The following EXOSC10 variants were observed in gnomAD, a reference collection of about 807,000 sequenced individuals.
EXOSC10 encodes exosome component 10, also known as exosome complex component 10.
Under a neutral mutation model 126.6 loss-of-function variants are expected in EXOSC10, and 94 were observed. That is an observed-to-expected ratio of 0.74 (90% CI 0.63 to 0.88). The LOEUF is 0.88. Ranked by LOEUF, EXOSC10 falls within the 40% of genes least tolerant of loss-of-function variation. The pLI, the probability that EXOSC10 is intolerant of heterozygous loss-of-function variation, is 0.00. For missense variants in EXOSC10, 1,041 were observed against 1,100.5 expected, an observed-to-expected ratio of 0.95 and a Z score of 0.77; for synonymous variants, 395 against 400.8, an observed-to-expected ratio of 0.99 and a Z score of 0.17.
At chr1:11,099,049 G>A (rs939425509) in intron 1 of EXOSC10, among the ~76,000 whole-genome samples, 2 of 152,190 alleles carry the variant, frequency 1.3e-5, no homozygotes, top group Non-Finnish European at 2.9e-5. Context: ...CAGCAAATTA[G>A]ATAAGATACA....
chr1:11,087,041 T>C (rs1440409091), intron 9 of EXOSC10, among the ~76,000 whole-genome samples: 1 of 152,234 alleles, frequency 6.6e-6, no homozygotes, highest in Non-Finnish European at 1.5e-5. Context: ...GCTGGTTTTT[T>C]GAAAGGATAT....
chr1:11,099,820 G>T lies in EXOSC10; in HGVS notation c.12C>A (p.Pro4=). 1 of 1,606,504 alleles carries T rather than the reference G, an allele frequency of 6.2e-7. No homozygotes were observed. Among genetic ancestry groups the T allele is most frequent in the Non-Finnish European group, 8.5e-7 (1 of 1,176,064 alleles). The change falls in exon 1 of 25, where the codon CCC becomes CCA. Residue 4 remains proline, a synonymous_variant. Coordinates refer to ENST00000376936, the MANE Select transcript of EXOSC10 (RefSeq NM_001001998.3). The part of the protein sequence containing the change: MAP[P]STREPRVLSA... ...ACAGGACCCTGGGCTCCCGGGTACTGGGTGGCGCCATTTTTTCAGCCTGCA... is the reference window on the plus strand; with the variant it reads ...ACAGGACCCTGGGCTCCCGGGTACTTGGTGGCGCCATTTTTTCAGCCTGCA...
In EXOSC10 at chr1:11,094,343, G is replaced by A. The variant is rs542594643; in HGVS notation, c.372+1415C>T. ...GCGTCTCACTCTTGATGCCCAGGCT[G>A]GAGTGCAATGGTGCAATCTTGGCTC... is the stretch of plus-strand genomic sequence containing the variant. On this transcript the variant is annotated intron_variant, in intron 3 of 24. Coordinates refer to ENST00000376936, the MANE Select transcript of EXOSC10 (RefSeq NM_001001998.3). 5.6e-4 allele frequency among the ~76,000 whole-genome samples: 84 copies of A among 150,182 alleles called. 1 individual carries two copies. Among genetic ancestry groups the A allele is most frequent in the African/African-American group, 2.0e-3 (81 of 40,806 alleles).
rs1284668438 is a variant in EXOSC10, at chr1:11,068,054, A to G, written c.2581T>C (p.Ser861Pro). Residue 861 changes from serine to proline, a missense_variant, in exon 24 of 25, where the codon TCG (serine) becomes CCG (proline). Ser to Pro is a moderately conservative substitution (Grantham distance 74). Coordinates refer to ENST00000376936, the MANE Select transcript of EXOSC10 (RefSeq NM_001001998.3). ...KCIAAKKIKQ[S>P]VGNKSMSFPT... Reference sequence around the variant, plus strand: ...AAGGACATGCTTTTGTTTCCCACCGACTGTTTAATTTTTTTGGCTGCAATG... The same window carrying G: ...AAGGACATGCTTTTGTTTCCCACCGGCTGTTTAATTTTTTTGGCTGCAATG... 6.2e-7 allele frequency: 1 copy of G among 1,614,014 alleles called. No individual in the cohort carries two copies. The highest frequency in any genetic ancestry group is 1.1e-5 in the South Asian group (1 of 91,078).
At position 11,090,603 on chromosome 1, in the gene EXOSC10, G is replaced by A. The variant is rs1197905703; in HGVS notation, c.709C>T (p.Leu237=). 1 of 1,614,142 alleles carries A rather than the reference G, an allele frequency of 6.2e-7. No homozygotes were observed. Among genetic ancestry groups the A allele is most frequent in the Admixed American group, 1.7e-5 (1 of 60,008 alleles). ...CTCTGCTGATGGATGAAATCAGCCA[G>A]TGCAGGGGGGACGTCCAAGTCCTCA... ...RPEDLDVPPA[L]ADFIHQQRTQ... The change falls in exon 6 of 25, where the codon CTG becomes TTG. Residue 237 remains leucine, a synonymous_variant. Coordinates refer to ENST00000376936, the MANE Select transcript of EXOSC10 (RefSeq NM_001001998.3).
rs922268756 is a variant in EXOSC10 at position 11,077,638 on chromosome 1, G to A, written c.1763C>T (p.Ala588Val). The A allele has an allele frequency of 6.2e-7, 1 of 1,609,892 alleles. No individual in the cohort carries two copies. The highest frequency in any genetic ancestry group is 1.3e-5 in the African/African-American group (1 of 74,936). Reference sequence around the variant, plus strand: ...CAGCGGTCCGCTCTTCTTCACTCCGGCTGCAACTTCAGACTAAGGAAAAAA... The same window carrying A: ...CAGCGGTCCGCTCTTCTTCACTCCGACTGCAACTTCAGACTAAGGAAAAAA... The part of the protein sequence containing the change: ...EMPLLKSEVA[A>V]GVKKSGPLPS... Residue 588 changes from alanine to valine, a missense_variant, in exon 15 of 25, where the codon GCC (alanine) becomes GTC (valine). Physicochemically the swap from Ala to Val is moderately conservative, Grantham distance 64 (BLOSUM62 0). Coordinates refer to ENST00000376936, the MANE Select transcript of EXOSC10 (RefSeq NM_001001998.3).
rs754918172 is a variant in EXOSC10 at position 11,090,673 on chromosome 1, G to A, written c.644-5C>T. ...CCCGCCTTTCCTTAGAGAGAGCTGG[G>A]GATCCCAGCAGTGACAAAAACATCA... On this transcript the variant is annotated splice_region_variant and splice_polypyrimidine_tract_variant and intron_variant, in intron 5 of 24. Coordinates refer to ENST00000376936, the MANE Select transcript of EXOSC10 (RefSeq NM_001001998.3). 1.3e-6 allele frequency: 2 copies of A among 1,597,176 alleles called. No homozygotes were observed. Among genetic ancestry groups the A allele is most frequent in the South Asian group, 2.2e-5 (2 of 89,752 alleles).
intron 18 of EXOSC10, 90 bp from the exon 19 acceptor site, chr1:11,074,098 C>T: frequency 7.0e-7 from 1 of 1,423,708 alleles, no homozygotes; most frequent in Non-Finnish European, 9.9e-7. Context: ...GTTGCTGGTG[C>T]CTTGTCAGCG....
At chr1:11,099,117 T>C (rs1300838135) in intron 1 of EXOSC10, among the ~76,000 whole-genome samples, 2 of 152,242 alleles carry the variant, frequency 1.3e-5, no homozygotes, top group Non-Finnish European at 2.9e-5. Context: ...TTTAGTTTCA[T>C]TGCTTTGTAA....
intron 9 of EXOSC10, among the ~76,000 whole-genome samples, chr1:11,083,231 G>A (rs145492736): frequency 2.0e-5 from 3 of 152,168 alleles, no homozygotes; most frequent in Non-Finnish European, 4.4e-5. Flanking sequence ...TTACAGGCCT[G>A]AGCCACCTCA....
rs150269818 is a variant in EXOSC10 at position 11,096,158 on chromosome 1, A to G, written c.249-277T>C. 2.2e-3 allele frequency among the ~76,000 whole-genome samples: 327 copies of G among 151,606 alleles called. 4 individuals carry two copies. The highest frequency in any genetic ancestry group is 3.4e-3 in the Non-Finnish European group (228 of 67,926). On this transcript the variant is annotated intron_variant, in intron 2 of 24. Coordinates refer to ENST00000376936, the MANE Select transcript of EXOSC10 (RefSeq NM_001001998.3). ...GCCAACAGGTCTGGTTAATTTTTGT[A>G]TTTTTAGTAAAGATGAGGTTTTGCC...
rs564424616 is a variant in EXOSC10, at chr1:11,084,984, T to C, written c.1090-2106A>G. 2.0e-5 allele frequency among the ~76,000 whole-genome samples: 3 copies of C among 152,338 alleles called. No individual in the cohort carries two copies. In the East Asian group the frequency reaches 5.8e-4, roughly 29 times the overall value. Reference sequence around the variant, plus strand: ...AGGGCTCTGTTCTGTTCTATTGATCTATATCTCTGTTTTGGTACCAGTACC... The same window carrying C: ...AGGGCTCTGTTCTGTTCTATTGATCCATATCTCTGTTTTGGTACCAGTACC... On this transcript the variant is annotated intron_variant, in intron 9 of 24. Transcript: ENST00000376936.
At chr1:11,087,282 A>G (rs1444774454) in intron 9 of EXOSC10, among the ~76,000 whole-genome samples, 166 bp downstream of exon 9, 1 of 152,228 alleles carries the variant, frequency 6.6e-6, no homozygotes, top group East Asian at 1.9e-4. Flanking sequence ...TAGCTGTTCT[A>G]ACAGGGATTT....
intron 9 of EXOSC10, among the ~76,000 whole-genome samples, chr1:11,083,660 G>A (rs1640315997): frequency 6.6e-6 from 1 of 151,022 alleles, no homozygotes; most frequent in South Asian, 2.1e-4. Context: ...AAGTTTTAGG[G>A]TACATGTGCA....
intron 7 of EXOSC10, 61 bp downstream of exon 7, chr1:11,088,061 CT>C (rs1440350655): frequency 1.4e-6 from 2 of 1,391,594 alleles, no homozygotes; most frequent in African/African-American, 2.9e-5. Flanking sequence ...ATCAATGAAT[CT>C]ACTTATTTGA....
intron 23 of EXOSC10, 31 bp from the exon 24 acceptor site, chr1:11,068,115 TG>T: frequency 6.3e-7 from 1 of 1,592,900 alleles, no homozygotes; most frequent in Non-Finnish European, 8.6e-7. Context: ...TTAAGCTGGG[TG>T]GGCACCTTGA....
At chr1:11,068,203 C>T in intron 23 of EXOSC10, 119 bp from the exon 24 acceptor site, 1 of 746,672 alleles carries the variant, frequency 1.3e-6, no homozygotes, top group Non-Finnish European at 2.3e-6. Flanking sequence ...CTTTAGATCC[C>T]CTGAGAGAGG....
intron 14 of EXOSC10, among the ~76,000 whole-genome samples, chr1:11,079,363 G>C (rs1308779145): frequency 6.7e-6 from 1 of 149,870 alleles, no homozygotes; most frequent in South Asian, 2.1e-4. Context: ...AAAAAAAACA[G>C]GCTTGCTAAG....
chr1:11,080,066 A>G (rs1201418913), intron 13 of EXOSC10, among the ~76,000 whole-genome samples: 2 of 152,216 alleles, frequency 1.3e-5, no homozygotes, highest in East Asian at 3.9e-4. Flanking sequence ...AGCTGAAAGT[A>G]AGTGCCATAG....
Sources: gnomAD v4.1 joint callset for allele counts (sites outside exome capture counted in the v4.1 genomes callset) on GRCh38, gnomAD v4.1.1 for gene constraint, MANE v1.5 for transcripts, NCBI Gene and HGNC (gene_info 2026-07-23, HGNC 2026-07-21) for gene names.